The following GPR176 variants were observed in gnomAD, a reference collection of about 807,000 sequenced individuals.
The protein encoded by GPR176 is G protein-coupled receptor 176.
In GPR176, 26 loss-of-function variants were observed where a neutral mutation model predicts 35.4. That is an observed-to-expected ratio of 0.74 (90% CI 0.54 to 1.02). The LOEUF is 1.02. GPR176 is among the 50% of genes least tolerant of loss of function. The probability of loss-of-function intolerance (pLI) is 0.00; values close to 1 mark genes in which losing one functional copy is unlikely to be tolerated. For missense variants in GPR176, 597 were observed against 665.3 expected (o/e 0.90, Z 1.13); for synonymous variants, 278 against 271.3 (o/e 1.02, Z -0.24).
At chr15:39,808,513 C>T (rs985944025) in intron 1 of GPR176, among the ~76,000 whole-genome samples, 2 of 152,176 alleles carry the variant, frequency 1.3e-5, no homozygotes, top group Non-Finnish European at 2.9e-5. Flanking sequence ...CCTTCTCTAA[C>T]CATTATTTTA....
chr15:39,812,701 C>G (rs981147534), intron 1 of GPR176, among the ~76,000 whole-genome samples: 1 of 151,908 alleles, frequency 6.6e-6, no homozygotes. Context: ...CTAGAGAACC[C>G]TGACTAATAC....
In GPR176 at chr15:39,920,168, TC is replaced by T; in HGVS notation, c.-143del. The T allele has an allele frequency of 2.0e-6, 1 of 506,558 alleles. No homozygotes were observed. Among genetic ancestry groups the T allele is most frequent in the Non-Finnish European group, 3.1e-6 (1 of 322,708 alleles). The allele number at this position is 506,558 out of a possible 1,614,324, so 31.4% of individuals were successfully genotyped here. ...AGCAGCCGACGGGTCCCCTCACGTCTCCACATCGCCAACCCCGGCGCCCGGG... is the reference window on the plus strand; with the variant it reads ...AGCAGCCGACGGGTCCCCTCACGTCTCACATCGCCAACCCCGGCGCCCGGG... On this transcript the variant is annotated 5_prime_UTR_variant, in exon 1 of 3. An upstream open reading frame in the 5' UTR loses its in-frame stop. Coordinates refer to ENST00000561100, the MANE Select transcript of GPR176 (RefSeq NM_007223.3).
chr15:39,799,370 A>C lies in GPR176; in HGVS notation c.*1762T>G, dbSNP rs1898720339. 2 of 152,376 alleles carry C rather than the reference A, an allele frequency of 1.3e-5. No homozygotes were observed. The highest frequency in any genetic ancestry group is 6.5e-5 in the Admixed American group (1 of 15,288). 9.4% of individuals were successfully genotyped at this position (152,376 alleles called of 1,614,324 possible). A position where few individuals can be genotyped will look rare whatever the true frequency, so the allele number is the denominator to read the frequency against. On this transcript the variant is annotated 3_prime_UTR_variant, in exon 3 of 3. Transcript: ENST00000561100. Reference sequence around the variant, plus strand: ...TATAGATGCCATGCACGCAGGGCCCAGAAGGCAGCAGAGCCGCAGGAGGCT... The same window carrying C: ...TATAGATGCCATGCACGCAGGGCCCCGAAGGCAGCAGAGCCGCAGGAGGCT...
intron 1 of GPR176, among the ~76,000 whole-genome samples, chr15:39,831,056 CAG>C (rs1901045833): frequency 6.6e-6 from 1 of 152,134 alleles, no homozygotes; most frequent in Non-Finnish European, 1.5e-5. Context: ...AAAATGGAAA[CAG>C]TTCTTTTTAG....
At chr15:39,832,690 A>ACACAC (rs1300551755) in intron 1 of GPR176, among the ~76,000 whole-genome samples, 1 of 60,896 alleles carries the variant, frequency 1.6e-5, no homozygotes. Flanking sequence ...CACACACACA[A>ACACAC]ATCTTATAAT....
At chr15:39,853,520 A>C (rs1410502161) in intron 1 of GPR176, among the ~76,000 whole-genome samples, 1 of 152,230 alleles carries the variant, frequency 6.6e-6, no homozygotes, top group African/African-American at 2.4e-5. Flanking sequence ...CTACTGAGCT[A>C]TACACTTGAA....
intron 1 of GPR176, among the ~76,000 whole-genome samples, chr15:39,823,188 T>A (rs1298388377): frequency 6.6e-6 from 1 of 152,218 alleles, no homozygotes; most frequent in Admixed American, 6.5e-5. Context: ...ATAACTTTCA[T>A]GTGTATTGTT....
At chr15:39,816,211 G>A (rs1318400509) in intron 1 of GPR176, among the ~76,000 whole-genome samples, 1 of 152,148 alleles carries the variant, frequency 6.6e-6, no homozygotes, top group African/African-American at 2.4e-5. Flanking sequence ...GAGGTCTACT[G>A]TACAATATGG....
chr15:39,860,261 G>A (rs182974172), intron 1 of GPR176, among the ~76,000 whole-genome samples: 44 of 152,352 alleles, frequency 2.9e-4, no homozygotes, highest in Admixed American at 1.7e-3. Context: ...GGTAAAGGCC[G>A]GGGTTCAGGC....
intron 1 of GPR176, among the ~76,000 whole-genome samples, chr15:39,874,086 T>TA (rs1310382412): frequency 6.6e-6 from 1 of 152,200 alleles, no homozygotes; most frequent in Non-Finnish European, 1.5e-5. Flanking sequence ...TCAAGTGACT[T>TA]ACGTAAGTCT....
At chr15:39,895,102 C>A (rs575505180) in intron 1 of GPR176, among the ~76,000 whole-genome samples, 1 of 152,192 alleles carries the variant, frequency 6.6e-6, no homozygotes, top group Non-Finnish European at 1.5e-5. Flanking sequence ...AGCCTGCAAT[C>A]GCAGGTACTC....
At chr15:39,914,191 A>G (rs1455097372) in intron 1 of GPR176, among the ~76,000 whole-genome samples, 4 of 152,184 alleles carry the variant, frequency 2.6e-5, no homozygotes, top group African/African-American at 9.7e-5. Flanking sequence ...ATTCTATCAT[A>G]TAGACATCAT....
intron 1 of GPR176, among the ~76,000 whole-genome samples, chr15:39,856,921 A>G (rs994340118): frequency 6.6e-6 from 1 of 152,188 alleles, no homozygotes; most frequent in African/African-American, 2.4e-5. Context: ...AGTACACAGT[A>G]GGCATTCCAT....
Position 39,801,694 on chromosome 15 carries a change from T to C in GPR176, c.986A>G (p.Lys329Arg). 2 of 1,613,794 alleles carry C rather than the reference T, an allele frequency of 1.2e-6. No homozygotes were observed. The highest frequency in any genetic ancestry group is 1.7e-6 in the Non-Finnish European group (2 of 1,179,744). Residue 329 changes from lysine to arginine, a missense_variant, in exon 3 of 3, where the codon AAG becomes AGG. This residue lies in a region of GPR176 where 251 missense variants were observed against 255.4 expected (regional missense o/e 0.98). Coordinates refer to ENST00000561100, the MANE Select transcript of GPR176 (RefSeq NM_007223.3). ...LFLTVNKSVR[K>R]CLIGTLVQLH... ...TTGCACCAGGGTCCCTATCAAGCAC[T>C]TGCGGACAGATTTGTTCACAGTAAG... is the stretch of plus-strand genomic sequence containing the variant.
chr15:39,849,336 G>A (rs893628569), intron 1 of GPR176, among the ~76,000 whole-genome samples: 1 of 152,102 alleles, frequency 6.6e-6, no homozygotes, highest in Non-Finnish European at 1.5e-5. Flanking sequence ...TCCAGATAGT[G>A]TTACTGGAGA....
chr15:39,822,866 C>T (rs1490808000), intron 1 of GPR176, among the ~76,000 whole-genome samples: 1 of 152,208 alleles, frequency 6.6e-6, no homozygotes, highest in Non-Finnish European at 1.5e-5. Context: ...ATAAAAGCCA[C>T]AGTCAAGGCA....
chr15:39,843,274 C>G (rs1475978312), intron 1 of GPR176, among the ~76,000 whole-genome samples: 1 of 152,070 alleles, frequency 6.6e-6, no homozygotes, highest in Non-Finnish European at 1.5e-5. Context: ...TGTGAAGAGG[C>G]TGATGTCCTC....
chr15:39,854,802 T>C (rs1050150323), intron 1 of GPR176, among the ~76,000 whole-genome samples: 1 of 152,062 alleles, frequency 6.6e-6, no homozygotes, highest in Admixed American at 6.6e-5. Context: ...CTTGGGAGCC[T>C]GCGGTGGGAG....
chr15:39,917,966 A>T (rs2033770019), intron 1 of GPR176, among the ~76,000 whole-genome samples: 1 of 147,680 alleles, frequency 6.8e-6, no homozygotes, highest in African/African-American at 2.5e-5. Context: ...AATCACTTGA[A>T]CCCAGGAGGC....
Sources: allele counts gnomAD v4.1 joint callset (sites outside exome capture counted in the v4.1 genomes callset), GRCh38; gene constraint gnomAD v4.1.1; regional missense constraint gnomAD v4.1.1; transcripts MANE v1.5; gene names NCBI Gene and HGNC (gene_info 2026-07-23, HGNC 2026-07-21).